The following ZRANB3 variants were observed in gnomAD, a reference collection of about 807,000 sequenced individuals.
ZRANB3 encodes zinc finger RANBP2-type containing 3.
Under a neutral mutation model 133.8 loss-of-function variants are expected in ZRANB3, and 125 were observed. That is an observed-to-expected ratio of 0.93 (90% CI 0.81 to 1.08). The LOEUF is 1.08. Ranked by LOEUF, ZRANB3 falls within the 50% of genes least tolerant of loss-of-function variation. The probability of loss-of-function intolerance (pLI) is 0.00; values close to 1 mark genes in which losing one functional copy is unlikely to be tolerated. For missense variants in ZRANB3, 1,229 were observed against 1,275.5 expected (o/e 0.96, Z 0.56); for synonymous variants, 387 against 432.7 (o/e 0.89, Z 1.31).
At chr2:135,305,908 T>C (rs1468440358) in intron 8 of ZRANB3, among the ~76,000 whole-genome samples, 1 of 152,180 alleles carries the variant, frequency 6.6e-6, no homozygotes, top group Non-Finnish European at 1.5e-5. Flanking sequence ...GAATATATTA[T>C]CCTAGTGTCT....
At chr2:135,519,344 T>TA (rs1197117703) in intron 1 of ZRANB3, among the ~76,000 whole-genome samples, 14 of 151,882 alleles carry the variant, frequency 9.2e-5, no homozygotes, top group East Asian at 5.8e-4. Context: ...TTTTTTAGAT[T>TA]AAAAAAAACA....
chr2:135,207,832 G>T lies in ZRANB3; in HGVS notation c.2611C>A (p.Leu871Ile), dbSNP rs749289959. Residue 871 changes from leucine to isoleucine, a missense_variant, in exon 19 of 21, where the codon CTT becomes ATT. Physicochemically the swap from Leu to Ile is conservative, Grantham distance 5. Transcript: ENST00000264159. ...SRPRDPFTKK[L>I]LEDGACVPFL... ...GGGACACAGGCTCCATCTTCAAGAA[G>T]TTTTCTACAATTGATAAAAACACTG... 4 of 1,588,352 alleles carry T rather than the reference G, an allele frequency of 2.5e-6. No individual in the cohort carries two copies. Among genetic ancestry groups the T allele is most frequent in the Admixed American group, 1.7e-5 (1 of 58,152 alleles).
chr2:135,268,966 C>A lies in ZRANB3; in HGVS notation c.1382G>T (p.Arg461Leu), dbSNP rs534699623. The stretch of plus-strand genomic sequence containing the variant: ...TGATTTAAATTCAAGCTTTACCTTG[C>A]GATTCAACATTCCCCACATAAGGGT... ...LDTLMWGMLN[R>L]KAQVTGSTLN... The change falls in exon 11 of 21, where the codon CGC (arginine) becomes CTC (leucine). Residue 461 changes from arginine (R) to leucine (L), a missense_variant. Arg to Leu is a moderately radical substitution (Grantham distance 102). Coordinates refer to ENST00000264159, the MANE Select transcript of ZRANB3 (RefSeq NM_032143.4). 1.2e-6 allele frequency: 2 copies of A among 1,600,174 alleles called. No individual in the cohort carries two copies. Among genetic ancestry groups the A allele is most frequent in the Non-Finnish European group, 1.7e-6 (2 of 1,173,920 alleles).
chr2:135,392,616 A>G (rs1156897054), intron 2 of ZRANB3, among the ~76,000 whole-genome samples: 1 of 151,926 alleles, frequency 6.6e-6, no homozygotes, highest in Non-Finnish European at 1.5e-5. Context: ...AGGTGTGATG[A>G]CGCACCCCTG....
rs1033030329 is a variant in ZRANB3 at position 135,198,771 on chromosome 2, C to T, written c.*1571G>A. On this transcript the variant is annotated 3_prime_UTR_variant, in exon 21 of 21. Transcript: ENST00000264159. ...AGCAGAAAGGAGGCCAAAGAAAGCC[C>T]AACTTCATTTATAAAATAACCAACA... 1.3e-5 allele frequency: 2 copies of T among 152,174 alleles called. No homozygotes were observed. Among genetic ancestry groups the T allele is most frequent in the African/African-American group, 2.4e-5 (1 of 41,424 alleles). 9.4% of individuals were successfully genotyped at this position (152,174 alleles called of 1,614,324 possible).
rs1233301027 is a variant in ZRANB3, at chr2:135,519,279, C to T, written c.-8+11848G>A. Among the ~76,000 whole-genome samples the T allele has an allele frequency of 3.3e-5, 5 of 152,028 alleles. No individual in the cohort carries two copies. The South Asian group carries it at 6.2e-4, about 19-fold the overall frequency. On this transcript the variant is annotated intron_variant, in intron 1 of 20. Coordinates refer to ENST00000264159, the MANE Select transcript of ZRANB3 (RefSeq NM_032143.4). ...TAGGGAAAGGTCCACAGTATCTCTCCGCATTATTTCTTACAATTTCCCGTG... is the reference window on the plus strand; with the variant it reads ...TAGGGAAAGGTCCACAGTATCTCTCTGCATTATTTCTTACAATTTCCCGTG...
At chr2:135,285,615 A>C (rs1681318400) in intron 8 of ZRANB3, among the ~76,000 whole-genome samples, 1 of 152,236 alleles carries the variant, frequency 6.6e-6, no homozygotes, top group Non-Finnish European at 1.5e-5. Flanking sequence ...GTTTAAAGTA[A>C]TTTGCCTTCT....
At chr2:135,366,082 G>C (rs1685925831) in intron 3 of ZRANB3, among the ~76,000 whole-genome samples, 1 of 152,102 alleles carries the variant, frequency 6.6e-6, no homozygotes, top group African/African-American at 2.4e-5. Flanking sequence ...GGATGCTTTC[G>C]GTTGAACAAG....
chr2:135,327,642 T>C (rs1683900954), intron 6 of ZRANB3, among the ~76,000 whole-genome samples: 1 of 152,186 alleles, frequency 6.6e-6, no homozygotes, highest in African/African-American at 2.4e-5. Flanking sequence ...AGGGTGTTTA[T>C]ATTCTTGTTT....
intron 2 of ZRANB3, among the ~76,000 whole-genome samples, chr2:135,416,836 C>A (rs929639793): frequency 2.0e-5 from 3 of 152,122 alleles, no homozygotes; most frequent in African/African-American, 7.2e-5. Context: ...TTTGACAAAC[C>A]TCAGAAAAAC....
At chr2:135,416,641 G>A (rs1483809382) in intron 2 of ZRANB3, among the ~76,000 whole-genome samples, 16 of 149,856 alleles carry the variant, frequency 1.1e-4, no homozygotes, top group Non-Finnish European at 1.5e-4. Flanking sequence ...AAAAGAGCCC[G>A]CATCGCCAAG....
intron 2 of ZRANB3, among the ~76,000 whole-genome samples, chr2:135,474,084 G>C (rs917920870): frequency 6.6e-6 from 1 of 151,986 alleles, no homozygotes; most frequent in African/African-American, 2.4e-5. Context: ...TCAGCTACTT[G>C]GGAGGCTGAG....
chr2:135,368,285 G>A (rs1010194125), intron 3 of ZRANB3, among the ~76,000 whole-genome samples: 15 of 151,762 alleles, frequency 9.9e-5, no homozygotes, highest in African/African-American at 3.1e-4. Context: ...ATTTCAAATT[G>A]GGTTAAGAGT....
At chr2:135,488,367 G>C (rs1488537808) in intron 2 of ZRANB3, among the ~76,000 whole-genome samples, 1 of 151,900 alleles carries the variant, frequency 6.6e-6, no homozygotes, top group Non-Finnish European at 1.5e-5. Flanking sequence ...TTGGAAAAAT[G>C]GTTCTAAAAG....
chr2:135,256,943 T>G (rs1417896742), intron 12 of ZRANB3, among the ~76,000 whole-genome samples: 1 of 152,244 alleles, frequency 6.6e-6, no homozygotes, highest in Non-Finnish European at 1.5e-5. Context: ...CTAATTATAA[T>G]GCATTCACAT....
chr2:135,211,461 A>G (rs1694093765), intron 17 of ZRANB3, among the ~76,000 whole-genome samples: 1 of 152,150 alleles, frequency 6.6e-6, no homozygotes, highest in Non-Finnish European at 1.5e-5. Flanking sequence ...GAATCACTTG[A>G]ATCCGGGAGG....
chr2:135,455,742 C>A (rs1026813464), intron 2 of ZRANB3, among the ~76,000 whole-genome samples: 2 of 151,880 alleles, frequency 1.3e-5, no homozygotes, highest in African/African-American at 4.8e-5. Context: ...TAGGCGCCCA[C>A]TACCACACCC....
At chr2:135,346,136 G>A (rs945333329) in intron 5 of ZRANB3, among the ~76,000 whole-genome samples, 8 of 152,052 alleles carry the variant, frequency 5.3e-5, no homozygotes, top group East Asian at 1.9e-4. Flanking sequence ...TCGCTCTGTC[G>A]CCCAGGCTGG....
chr2:135,406,425 C>T (rs1688035420), intron 2 of ZRANB3, among the ~76,000 whole-genome samples: 1 of 152,180 alleles, frequency 6.6e-6, no homozygotes, highest in Non-Finnish European at 1.5e-5. Flanking sequence ...CCTTCTGAAA[C>T]TATTCCATCA....
Sources: allele counts gnomAD v4.1 joint callset (sites outside exome capture counted in the v4.1 genomes callset), GRCh38; gene constraint gnomAD v4.1.1; transcripts MANE v1.5; gene names NCBI Gene and HGNC (gene_info 2026-07-23, HGNC 2026-07-21).